The following HJURP variants were observed in gnomAD, a reference collection of about 807,000 sequenced individuals.
HJURP encodes 14-3-3-associated AKT substrate.
A neutral mutation model predicts 72.0 loss-of-function variants in HJURP; 49 were observed. The observed-to-expected ratio is 0.68, with a 90% CI of 0.54 to 0.86. The LOEUF (loss-of-function observed/expected upper bound fraction) is 0.86, where lower values mean the gene tolerates loss of function less well. Among genes scored for constraint, HJURP ranks in the 40% least tolerant of loss-of-function variants. HJURP has a pLI of 0.00. For missense variants in HJURP, 908 were observed against 936.3 expected (o/e 0.97, Z 0.39); for synonymous variants, 357 against 347.1 (o/e 1.03, Z -0.32).
intron 1 of HJURP, 108 bp downstream of exon 1, chr2:233,854,276 A>G (rs1433395252): frequency 8.4e-6 from 6 of 715,882 alleles, no homozygotes; most frequent in Middle Eastern, 4.0e-4. Context: ...CGCTTCCCCA[A>G]CCCCCGCTCC....
chr2:233,853,501 C>T (rs1256899375), intron 2 of HJURP, among the ~76,000 whole-genome samples: 1 of 152,192 alleles, frequency 6.6e-6, no homozygotes, highest in African/African-American at 2.4e-5. Context: ...TGTTACAACA[C>T]CCACGCCCAG....
At chr2:233,845,593 A>G in intron 6 of HJURP, 135 bp downstream of exon 6, 1 of 606,910 alleles carries the variant, frequency 1.6e-6, no homozygotes, top group African/African-American at 1.9e-5. Flanking sequence ...TGTGAATAAA[A>G]CAATTTGGAA....
Position 233,847,481 on chromosome 2 carries a change from A to G in HJURP, c.338-20T>C. The G allele has an allele frequency of 6.2e-7, 1 of 1,608,694 alleles. No homozygotes were observed. The highest frequency in any genetic ancestry group is 8.5e-7 in the Non-Finnish European group (1 of 1,174,972). Reference sequence around the variant, plus strand: ...TTGAATCTAAAAGTCAAACAAGTAAATCTCAATCAGGATTTTCAGGAAGGA... The same window carrying G: ...TTGAATCTAAAAGTCAAACAAGTAAGTCTCAATCAGGATTTTCAGGAAGGA... On this transcript the variant is annotated intron_variant, in intron 4 of 8. Coordinates refer to ENST00000411486, the MANE Select transcript of HJURP (RefSeq NM_018410.5).
intron 4 of HJURP, among the ~76,000 whole-genome samples, chr2:233,848,890 G>A (rs1705432329): frequency 6.6e-6 from 1 of 152,178 alleles, no homozygotes; most frequent in Non-Finnish European, 1.5e-5. Context: ...AGGCTTGGAA[G>A]GACGAAGACA....
Position 233,849,826 on chromosome 2 carries a change from C to T in HJURP, c.274G>A (p.Gly92Ser). The T allele has an allele frequency of 6.4e-7, 1 of 1,553,992 alleles. No homozygotes were observed. The highest frequency in any genetic ancestry group is 1.2e-5 in the South Asian group (1 of 84,230). The change falls in exon 4 of 9, where the codon GGC becomes AGC. Residue 92 changes from glycine to serine, a missense_variant. Physicochemically the swap from Gly to Ser is moderately conservative, Grantham distance 56. Coordinates refer to ENST00000411486, the MANE Select transcript of HJURP (RefSeq NM_018410.5). The stretch of plus-strand genomic sequence containing the variant: ...CCCCAGGCTGCAGCTTGCACGGAGC[C>T]ATCTGTCCTGTCCGCGGGCTTCATG... ...SSMKPADRTD[G>S]SVQAAAWGPE...
Position 233,849,857 on chromosome 2 carries a change from G to C in HJURP, c.243C>G (p.Asp81Glu), listed in dbSNP as rs145421945. Residue 81 changes from aspartate (D) to glutamate (E), a missense_variant and splice_region_variant, in exon 4 of 9, where the codon GAC becomes GAG. Physicochemically the swap from Asp to Glu is conservative, Grantham distance 45. Coordinates refer to ENST00000411486, the MANE Select transcript of HJURP (RefSeq NM_018410.5). ...IKERNEGEIQ[D>E]SSMKPADRTD... The stretch of plus-strand genomic sequence containing the variant: ...TCCTGTCCGCGGGCTTCATGGAGGA[G>C]TCCTCCAAGTGCAGAAGCCAATAAA... 5.2e-6 allele frequency: 8 copies of C among 1,541,098 alleles called. No individual in the cohort carries two copies. Among genetic ancestry groups the C allele is most frequent in the Non-Finnish European group, 7.0e-6 (8 of 1,137,470 alleles).
At chr2:233,852,720 G>A in intron 2 of HJURP, 100 bp from the exon 3 acceptor site, 1 of 837,686 alleles carries the variant, frequency 1.2e-6, no homozygotes, top group Non-Finnish European at 2.0e-6. Flanking sequence ...GCAAAAAAAA[G>A]GTACAATATT....
chr2:233,837,975 A>G (rs1705119329), intron 8 of HJURP, among the ~76,000 whole-genome samples: 1 of 152,236 alleles, frequency 6.6e-6, no homozygotes, highest in Non-Finnish European at 1.5e-5. Context: ...TATCTATTAA[A>G]AGGAGAGACA....
Position 233,840,649 on chromosome 2 carries a change from C to G in HJURP, c.2131G>C (p.Gly711Arg). 1 of 1,609,670 alleles carries G rather than the reference C, an allele frequency of 6.2e-7. No homozygotes were observed. The highest frequency in any genetic ancestry group is 8.5e-7 in the Non-Finnish European group (1 of 1,178,792). ...GGCTGTGAAGAGCTGCCCTGGTCTC[C>G]CGGTCTGACGGTGTTGTCCACCCCA... ...SDGVDNTVRP[G>R]DQGSSSQPNS... The change falls in exon 8 of 9, where the codon GGA (glycine) becomes CGA (arginine). Residue 711 changes from glycine (G) to arginine (R), a missense_variant. Physicochemically the swap from Gly to Arg is moderately radical, Grantham distance 125. Around this residue, in one of 3 missense-constraint regions of HJURP, gnomAD observed 598 missense variants for 619.5 expected, o/e 0.97. Transcript: ENST00000411486.
At chr2:233,848,930 C>T (rs1305757096) in intron 4 of HJURP, among the ~76,000 whole-genome samples, 5 of 152,040 alleles carry the variant, frequency 3.3e-5, no homozygotes, top group African/African-American at 4.8e-5. Flanking sequence ...AGCATGGGGC[C>T]GAGGAGCAGG....
At chr2:233,849,955 A>T in intron 3 of HJURP, 96 bp from the exon 4 acceptor site, 1 of 734,416 alleles carries the variant, frequency 1.4e-6, no homozygotes, top group Non-Finnish European at 2.4e-6. Flanking sequence ...TTCTGTTAAC[A>T]CAGGAGACAG....
intron 3 of HJURP, 78 bp from the exon 4 acceptor site, chr2:233,849,937 T>A: frequency 1.2e-6 from 1 of 836,676 alleles, no homozygotes; most frequent in Non-Finnish European, 2.0e-6. Flanking sequence ...ATAATAAAAC[T>A]GCAATCCTTC....
chr2:233,848,041 A>G (rs1014826289), intron 4 of HJURP, among the ~76,000 whole-genome samples: 1 of 152,146 alleles, frequency 6.6e-6, no homozygotes, highest in Non-Finnish European at 1.5e-5. Flanking sequence ...CAGTAAACAC[A>G]TAGCACCACA....
chr2:233,838,131 T>G (rs923462313), intron 8 of HJURP, among the ~76,000 whole-genome samples: 3 of 152,232 alleles, frequency 2.0e-5, no homozygotes, highest in Admixed American at 1.3e-4. Flanking sequence ...TTGCAGCTCA[T>G]GAAGAATTGG....
In HJURP at chr2:233,841,069, C is replaced by T; in HGVS notation, c.1711G>A (p.Gly571Ser). 1.2e-6 allele frequency: 2 copies of T among 1,614,152 alleles called. No homozygotes were observed. The highest frequency in any genetic ancestry group is 1.1e-5 in the South Asian group (1 of 91,076). ...TCATCGTAACGATTCCTTCCGTGGC[C>T]TGGCACTTCTTTATCTGGGACTGAA... ...TLSVPDKEVPGHGRNRYDEIK... is the reference protein window; with the variant it reads ...TLSVPDKEVPSHGRNRYDEIK... The change falls in exon 8 of 9, where the codon GGC becomes AGC. Residue 571 changes from glycine (G) to serine (S), a missense_variant. Physicochemically the swap from Gly to Ser is moderately conservative, Grantham distance 56 (BLOSUM62 0). Around this residue, in one of 3 missense-constraint regions of HJURP, gnomAD observed 598 missense variants for 619.5 expected, o/e 0.97. Coordinates refer to ENST00000411486, the MANE Select transcript of HJURP (RefSeq NM_018410.5).
chr2:233,849,902 C>T, intron 3 of HJURP, 43 bp from the exon 4 acceptor site: 1 of 1,194,034 alleles, frequency 8.4e-7, no homozygotes, highest in Non-Finnish European at 1.2e-6. Flanking sequence ...GTTTGAGTGA[C>T]AGCACATTTC....
chr2:233,854,517 C>G lies in HJURP; in HGVS notation c.-17G>C. 2.5e-6 allele frequency: 4 copies of G among 1,587,324 alleles called. No individual in the cohort carries two copies. Among genetic ancestry groups the G allele is most frequent in the Non-Finnish European group, 3.4e-6 (4 of 1,162,378 alleles). On this transcript the variant is annotated 5_prime_UTR_variant, in exon 1 of 9. Transcript: ENST00000411486. Reference sequence around the variant, plus strand: ...ACCCAGCATCGGACCCAGCCAGTACCCAAGCGCCAACCCGGACTGCAGGGC... The same window carrying G: ...ACCCAGCATCGGACCCAGCCAGTACGCAAGCGCCAACCCGGACTGCAGGGC...
Position 233,845,810 on chromosome 2 carries a change from G to A in HJURP, c.413C>T (p.Pro138Leu), listed in dbSNP as rs570419914. 264 of 1,610,972 alleles carry A rather than the reference G, an allele frequency of 1.6e-4. No homozygotes were observed. Among genetic ancestry groups the A allele is most frequent in the Non-Finnish European group, 2.0e-4 (241 of 1,177,428 alleles). ...SVAWALAPAVPQSPLKNELRR... is the reference protein window; with the variant it reads ...SVAWALAPAVLQSPLKNELRR... ...TAATTCATTTTTCAAAGGGCTTTGAGGCACTGCAGGCTGATCAAAAAAGAG... is the reference window on the plus strand; with the variant it reads ...TAATTCATTTTTCAAAGGGCTTTGAAGCACTGCAGGCTGATCAAAAAAGAG... Residue 138 changes from proline to leucine, a missense_variant, in exon 6 of 9, where the codon CCT becomes CTT. By Grantham distance (98) the Pro-to-Leu change is moderately conservative. Transcript: ENST00000411486.
intron 8 of HJURP, among the ~76,000 whole-genome samples, chr2:233,838,455 G>A (rs962025651): frequency 6.6e-6 from 1 of 152,152 alleles, no homozygotes; most frequent in Non-Finnish European, 1.5e-5. Context: ...GGAGCACTGG[G>A]GCAGATGTCA....
Sources: gnomAD v4.1 joint callset for allele counts (sites outside exome capture counted in the v4.1 genomes callset) on GRCh38, gnomAD v4.1.1 for gene constraint, gnomAD v4.1.1 regional missense constraint, MANE v1.5 for transcripts, NCBI Gene and HGNC (gene_info 2026-07-23, HGNC 2026-07-21) for gene names.